Variants in ASIC2 observed in about 807,000 individuals in gnomAD.
The protein encoded by ASIC2 is acid-sensing ion channel 2.
A neutral mutation model predicts 57.3 loss-of-function variants in ASIC2; 25 were observed. The observed-to-expected ratio is 0.44, with a 90% CI of 0.32 to 0.61. The LOEUF (loss-of-function observed/expected upper bound fraction) is 0.61, where lower values mean the gene tolerates loss of function less well. Among genes scored for constraint, ASIC2 ranks in the 20% least tolerant of loss-of-function variants. The probability of loss-of-function intolerance (pLI) is 0.06; values close to 1 mark genes in which losing one functional copy is unlikely to be tolerated. For synonymous variants in ASIC2, 319 were observed against 307.5 expected (o/e 1.04, Z -0.39); for missense variants, 641 against 738.1 (o/e 0.87, Z 1.52).
rs1209386782 is a variant in ASIC2 at position 33,506,574 on chromosome 17, G to C, written c.556-394507C>G. On this transcript the variant is annotated intron_variant, in intron 1 of 9. Coordinates refer to the ASIC2 transcript ENST00000359872. The stretch of plus-strand genomic sequence containing the variant: ...CCCTTGATTAGCACTAATTATGGGG[G>C]TGTGTGTGTGTGTACCGTGTACATG... Among the ~76,000 whole-genome samples, 5 of 151,662 alleles carry C rather than the reference G, an allele frequency of 3.3e-5. No individual in the cohort carries two copies. In the South Asian group the frequency reaches 8.4e-4, roughly 25 times the overall value.
At chr17:33,744,535 A>G (rs1425311095) in intron 1 of ASIC2, among the ~76,000 whole-genome samples, 1 of 152,248 alleles carries the variant, frequency 6.6e-6, no homozygotes, top group African/African-American at 2.4e-5. Flanking sequence ...CCAAGTCACA[A>G]AACAAATAAA....
At chr17:33,753,988 G>A (rs1227395300) in intron 1 of ASIC2, among the ~76,000 whole-genome samples, 1 of 152,102 alleles carries the variant, frequency 6.6e-6, no homozygotes, top group East Asian at 1.9e-4. Flanking sequence ...GCGTACATAG[G>A]AACACTCTAT....
intron 1 of ASIC2, among the ~76,000 whole-genome samples, chr17:33,872,618 C>G (rs901042037): frequency 6.6e-6 from 1 of 152,154 alleles, no homozygotes; most frequent in African/African-American, 2.4e-5. Flanking sequence ...CACCTGAAAC[C>G]TGCAAGCTAG....
At chr17:33,736,473 C>T (rs1460357571) in intron 1 of ASIC2, among the ~76,000 whole-genome samples, 4 of 152,196 alleles carry the variant, frequency 2.6e-5, no homozygotes, top group Admixed American at 1.3e-4. Context: ...CCCCCTGCCT[C>T]AGTGTCTCCC....
At chr17:33,471,203 A>G (rs1423057738) in intron 1 of ASIC2, among the ~76,000 whole-genome samples, 1 of 152,190 alleles carries the variant, frequency 6.6e-6, no homozygotes, top group Non-Finnish European at 1.5e-5. Context: ...TATTGCTCAC[A>G]GGAGCAATTT....
chr17:33,296,149 TGTAA>T (rs950389040), upstream of ASIC2, among the ~76,000 whole-genome samples: 2 of 152,226 alleles, frequency 1.3e-5, no homozygotes, highest in African/African-American at 4.8e-5. Context: ...TAGGGCCTCC[TGTAA>T]GTGTTTTACA....
chr17:33,133,255 G>A (rs2142009040), intron 1 of ASIC2, among the ~76,000 whole-genome samples: 1 of 152,264 alleles, frequency 6.6e-6, no homozygotes, highest in Admixed American at 6.5e-5. Flanking sequence ...ATGAGCAGAG[G>A]GCACAGCGTT....
At chr17:33,730,527 G>C (rs535498015) in intron 1 of ASIC2, among the ~76,000 whole-genome samples, 1 of 152,336 alleles carries the variant, frequency 6.6e-6, no homozygotes, top group East Asian at 1.9e-4. Context: ...GAATAGATAT[G>C]AGTGATCTAA....
intron 1 of ASIC2, among the ~76,000 whole-genome samples, chr17:33,145,028 C>T (rs762318362): frequency 6.6e-6 from 1 of 152,232 alleles, no homozygotes; most frequent in Non-Finnish European, 1.5e-5. Flanking sequence ...TACTCTCCTC[C>T]AGGAGGTAGA....
At chr17:33,216,110 A>C (rs1278703998) in intron 1 of ASIC2, among the ~76,000 whole-genome samples, 2 of 152,172 alleles carry the variant, frequency 1.3e-5, no homozygotes, top group Non-Finnish European at 2.9e-5. Context: ...TCCATAAACT[A>C]TTCCTATTTT....
chr17:33,406,681 G>A (rs537366969), intron 1 of ASIC2, among the ~76,000 whole-genome samples: 4 of 152,226 alleles, frequency 2.6e-5, no homozygotes, highest in African/African-American at 7.2e-5. Context: ...CCAGCAGATG[G>A]TAAGGGCTAT....
rs544799325 is a variant in ASIC2 at position 33,764,358 on chromosome 17, A to G, written c.555+391620T>C. On this transcript the variant is annotated intron_variant, in intron 1 of 9. Transcript: ENST00000359872. ...GGCTTTGATTTCAGAATGAGAATGTACTGTCCTGGAGCAGCCAGCATTCAC... is the reference window on the plus strand; with the variant it reads ...GGCTTTGATTTCAGAATGAGAATGTGCTGTCCTGGAGCAGCCAGCATTCAC... 2.0e-5 allele frequency among the ~76,000 whole-genome samples: 3 copies of G among 151,818 alleles called. No individual in the cohort carries two copies. The East Asian group carries it at 5.8e-4, about 29-fold the overall frequency.
At chr17:33,258,310 C>A (rs145221868) in intron 1 of ASIC2, among the ~76,000 whole-genome samples, 59 of 152,308 alleles carry the variant, frequency 3.9e-4, no homozygotes, top group Non-Finnish European at 1.2e-4. Flanking sequence ...ATGAAGCTTA[C>A]ATTCTACTGA....
chr17:33,425,751 C>A (rs947689843), intron 1 of ASIC2, among the ~76,000 whole-genome samples: 1 of 152,080 alleles, frequency 6.6e-6, no homozygotes, highest in African/African-American at 2.4e-5. Context: ...GGTGTCCTTG[C>A]GTGGCTATTA....
At chr17:34,059,912 T>C (rs1371041378) in intron 1 of ASIC2, among the ~76,000 whole-genome samples, 1 of 152,166 alleles carries the variant, frequency 6.6e-6, no homozygotes, top group Non-Finnish European at 1.5e-5. Context: ...CTACCCACCC[T>C]GGTAGCAAAA....
chr17:33,549,729 G>A (rs1276891536), intron 1 of ASIC2, among the ~76,000 whole-genome samples: 4 of 152,162 alleles, frequency 2.6e-5, no homozygotes, highest in Non-Finnish European at 5.9e-5. Context: ...GGAAATCTGT[G>A]AAACATAATG....
intron 1 of ASIC2, among the ~76,000 whole-genome samples, chr17:33,220,059 AC>A (rs1907634982): frequency 6.6e-6 from 1 of 152,188 alleles, no homozygotes; most frequent in African/African-American, 2.4e-5. Flanking sequence ...TTTCTTGACT[AC>A]CCCTGCTAAC....
At chr17:33,845,766 C>T (rs1913576676) in intron 1 of ASIC2, among the ~76,000 whole-genome samples, 1 of 152,102 alleles carries the variant, frequency 6.6e-6, no homozygotes, top group East Asian at 1.9e-4. Flanking sequence ...AAAATAAAAG[C>T]AAGTGAATAT....
chr17:33,972,135 G>T (rs565983257), intron 1 of ASIC2, among the ~76,000 whole-genome samples: 6 of 152,206 alleles, frequency 3.9e-5, no homozygotes, highest in East Asian at 1.9e-4. Flanking sequence ...ACTAATAAAT[G>T]TTAAGTTAAT....
Sources: gnomAD v4.1 joint callset for allele counts (sites outside exome capture counted in the v4.1 genomes callset) on GRCh38, gnomAD v4.1.1 for gene constraint, MANE v1.5 for transcripts, NCBI Gene and HGNC (gene_info 2026-07-23, HGNC 2026-07-21) for gene names.